Variants in POF1B observed in about 807,000 individuals in gnomAD.
POF1B encodes the protein protein POF1B.
In POF1B, 53 loss-of-function variants were observed where a neutral mutation model predicts 55.3. The observed-to-expected ratio is 0.96, with a 90% CI of 0.77 to 1.20. The LOEUF (loss-of-function observed/expected upper bound fraction) is 1.20, where lower values mean the gene tolerates loss of function less well. POF1B is among the 50% of genes most tolerant of loss of function. The pLI, the probability that POF1B is intolerant of heterozygous loss-of-function variation, is 0.00. For synonymous variants in POF1B, 188 were observed against 148.3 expected (o/e 1.27, Z -1.95); for missense variants, 478 against 420.5 (o/e 1.14, Z -1.20).
chrX:85,356,376 C>A (rs748457019), intron 4 of POF1B, among the ~76,000 whole-genome samples: 1 of 109,039 alleles, frequency 9.2e-6, no homozygotes, highest in Non-Finnish European at 1.9e-5. Flanking sequence ...TTAATGTGTG[C>A]AGCACACCAA....
At chrX:85,329,343 A>T (rs888124001) in intron 7 of POF1B, among the ~76,000 whole-genome samples, 5 of 111,596 alleles carry the variant, frequency 4.5e-5, no homozygotes, top group Admixed American at 9.6e-5. Context: ...GGTAATGGAG[A>T]TGGTGTTGAT....
At chrX:85,289,810 G>T (rs113265379) in intron 15 of POF1B, among the ~76,000 whole-genome samples, 2 of 111,231 alleles carry the variant, frequency 1.8e-5, no homozygotes, top group Non-Finnish European at 3.8e-5. Context: ...GGGGGTGTGG[G>T]AACAGGGATC....
chrX:85,345,703 G>C (rs1175044837), intron 6 of POF1B, among the ~76,000 whole-genome samples, 157 bp downstream of exon 6: 1 of 111,185 alleles, frequency 9.0e-6, no homozygotes, highest in East Asian at 2.8e-4. Flanking sequence ...AGAGAAGATG[G>C]GAAGATTTGT....
At chrX:85,297,010 T>C in intron 15 of POF1B, among the ~76,000 whole-genome samples, 1 of 112,206 alleles carries the variant, frequency 8.9e-6, no homozygotes, top group Middle Eastern at 4.6e-3. Flanking sequence ...TGGCTTGGAC[T>C]ATTCTGTTGT....
At chrX:85,299,181 CT>C (rs1192466719) in intron 15 of POF1B, among the ~76,000 whole-genome samples, 26 of 88,608 alleles carry the variant, frequency 2.9e-4, no homozygotes, top group Admixed American at 2.4e-3. Context: ...TTAAAACAAT[CT>C]TTTTTTTTCT....
chrX:85,301,480 T>C (rs1276706546), intron 15 of POF1B, among the ~76,000 whole-genome samples: 1 of 111,662 alleles, frequency 9.0e-6, no homozygotes, highest in Non-Finnish European at 1.9e-5. Context: ...AAACCTGTTC[T>C]ACAAGAAATA....
intron 4 of POF1B, among the ~76,000 whole-genome samples, chrX:85,353,149 G>A (rs953464701): frequency 1.8e-5 from 2 of 111,042 alleles, no homozygotes; most frequent in African/African-American, 6.5e-5. Flanking sequence ...GGATTAGGTG[G>A]CATTTGAAAG....
chrX:85,319,025 G>A (rs1357062069), intron 7 of POF1B, among the ~76,000 whole-genome samples: 1 of 111,085 alleles, frequency 9.0e-6, no homozygotes, highest in Admixed American at 9.7e-5. Context: ...CCATTTGTTG[G>A]TGTCGTCTCT....
intron 8 of POF1B, among the ~76,000 whole-genome samples, chrX:85,315,327 A>C (rs200331439): frequency 9.0e-6 from 1 of 111,430 alleles, no homozygotes; most frequent in East Asian, 2.8e-4. Context: ...TTTGCTATTT[A>C]ATTAATCATA....
chrX:85,323,916 G>T (rs2147919917), intron 7 of POF1B, among the ~76,000 whole-genome samples: 1 of 111,707 alleles, frequency 9.0e-6, no homozygotes, highest in East Asian at 2.8e-4. Flanking sequence ...TATGTTGTAT[G>T]TTTGTTGTCA....
intron 13 of POF1B, among the ~76,000 whole-genome samples, chrX:85,304,799 TTAC>T (rs1394731576): frequency 9.0e-6 from 1 of 111,407 alleles, no homozygotes; most frequent in East Asian, 2.8e-4. Context: ...CAATAACAAA[TTAC>T]TACTATTATA....
chrX:85,361,660 C>A (rs1167761628), intron 3 of POF1B, among the ~76,000 whole-genome samples: 2 of 111,505 alleles, frequency 1.8e-5, no homozygotes, highest in African/African-American at 6.5e-5. Context: ...CAGCTTTGTT[C>A]TTTTTGCTTA....
chrX:85,346,032 G>T lies in POF1B; in HGVS notation c.551C>A (p.Pro184His). 1 of 1,184,633 alleles carries T rather than the reference G, an allele frequency of 8.4e-7. No individual in the cohort carries two copies. Residue 184 changes from proline (P) to histidine (H), a missense_variant, in exon 6 of 17, where the codon CCT becomes CAT. Transcript: ENST00000262753. ...EKLNTDQGCH[P>H]QAQCHHHIIQ... Reference sequence around the variant, plus strand: ...AATGTGATGATGGCATTGAGCCTGAGGATGGCACCCCTAAGACACATACAC... The same window carrying T: ...AATGTGATGATGGCATTGAGCCTGATGATGGCACCCCTAAGACACATACAC...
chrX:85,379,413 A>G lies in POF1B; in HGVS notation c.42T>C (p.Cys14=). ...SYWSETSSSS[C]GTQQLPEVLQ... The stretch of plus-strand genomic sequence containing the variant: ...GCACCTCTGGGAGCTGCTGGGTTCC[A>G]CAGCTGCTGCTGCTCGTCTCACTCC... The change falls in exon 2 of 17, where the codon TGT becomes TGC. Residue 14 remains cysteine (C), a synonymous_variant. Transcript: ENST00000262753. 1 of 1,209,556 alleles carries G rather than the reference A, an allele frequency of 8.3e-7. No homozygotes were observed. The highest frequency in any genetic ancestry group is 1.1e-6 in the Non-Finnish European group (1 of 894,926).
At chrX:85,361,992 G>A (rs1432415278) in intron 3 of POF1B, among the ~76,000 whole-genome samples, 4 of 106,365 alleles carry the variant, frequency 3.8e-5, no homozygotes, top group Admixed American at 2.0e-4. Flanking sequence ...GTGTGTGTAT[G>A]TGTGTGTGTG....
At chrX:85,303,052 C>T (rs375825979) in intron 15 of POF1B, among the ~76,000 whole-genome samples, 1 of 111,490 alleles carries the variant, frequency 9.0e-6, no homozygotes, top group South Asian at 3.7e-4. Context: ...ACACACAAAT[C>T]CATCTGGATA....
rs765960514 is a variant in POF1B at position 85,379,463 on chromosome X, A to G, written c.-9T>C. 8 of 1,204,337 alleles carry G rather than the reference A, an allele frequency of 6.6e-6. No homozygotes were observed. Among genetic ancestry groups the G allele is most frequent in the Non-Finnish European group, 9.0e-6 (8 of 893,517 alleles). On this transcript the variant is annotated 5_prime_UTR_variant, in exon 2 of 17. Coordinates refer to ENST00000262753, the MANE Select transcript of POF1B (RefSeq NM_024921.4). ...CAATAGCTCGAGCTCATCTTCTTCC[A>G]GTGGTCAGCAAGGGACCTCCCAGAT...
At chrX:85,365,116 CT>C (rs1204775167) in intron 3 of POF1B, among the ~76,000 whole-genome samples, 3 of 111,116 alleles carry the variant, frequency 2.7e-5, no homozygotes, top group Admixed American at 9.5e-5. Context: ...CAGTTAGGTT[CT>C]TTTTTTTACT....
chrX:85,287,875 A>T (rs1406132252), intron 15 of POF1B, among the ~76,000 whole-genome samples: 2 of 110,935 alleles, frequency 1.8e-5, no homozygotes, highest in Non-Finnish European at 3.8e-5. Flanking sequence ...AGCAATATAT[A>T]AAAAGGATAC....
Sources: gnomAD v4.1 joint callset for allele counts (sites outside exome capture counted in the v4.1 genomes callset) on GRCh38, gnomAD v4.1.1 for gene constraint, MANE v1.5 for transcripts, NCBI Gene and HGNC (gene_info 2026-07-23, HGNC 2026-07-21) for gene names.